The following COMMD10 variants were observed in gnomAD, a reference collection of about 807,000 sequenced individuals.
The protein encoded by COMMD10 is COMM domain containing 10.
In COMMD10, 33 loss-of-function variants were observed where a neutral mutation model predicts 28.9. The ratio of observed to expected loss-of-function variants is 1.14; its 90% CI spans 0.87 to 1.53. The LOEUF is 1.53. COMMD10 is among the 40% of genes most tolerant of loss of function. The probability of loss-of-function intolerance (pLI) is 0.00; values close to 1 mark genes in which losing one functional copy is unlikely to be tolerated. For missense variants in COMMD10, 310 were observed against 233.4 expected, an observed-to-expected ratio of 1.33 and a Z score of -2.14; for synonymous variants, 110 against 81.7, an observed-to-expected ratio of 1.35 and a Z score of -1.87.
At chr5:116,278,396 C>T (rs1262377723) in intron 5 of COMMD10, among the ~76,000 whole-genome samples, 1 of 151,756 alleles carries the variant, frequency 6.6e-6, no homozygotes, top group Non-Finnish European at 1.5e-5. Flanking sequence ...TTAATGAATA[C>T]TATACAAGGT....
At chr5:116,177,205 A>C (rs574069407) in intron 5 of COMMD10, among the ~76,000 whole-genome samples, 1 of 152,106 alleles carries the variant, frequency 6.6e-6, no homozygotes, top group Non-Finnish European at 1.5e-5. Flanking sequence ...TGGAGATGGG[A>C]AACTTGGGAG....
At chr5:116,165,110 T>C (rs1753047276) in intron 5 of COMMD10, among the ~76,000 whole-genome samples, 1 of 152,212 alleles carries the variant, frequency 6.6e-6, no homozygotes, top group African/African-American at 2.4e-5. Context: ...TGTTGAGGCC[T>C]GAAGAGAATC....
intron 4 of COMMD10, among the ~76,000 whole-genome samples, chr5:116,125,884 C>G (rs564835875): frequency 2.6e-5 from 4 of 152,252 alleles, no homozygotes; most frequent in South Asian, 2.1e-4. Flanking sequence ...GGGATGCCCT[C>G]TCTCACCACT....
chr5:116,209,854 T>TA (rs1230671602), intron 5 of COMMD10, among the ~76,000 whole-genome samples: 1 of 152,160 alleles, frequency 6.6e-6, no homozygotes, highest in East Asian at 1.9e-4. Flanking sequence ...ATCTTAATTT[T>TA]AAAAAACATT....
chr5:116,195,167 A>G (rs1748476077), intron 5 of COMMD10, among the ~76,000 whole-genome samples: 1 of 152,198 alleles, frequency 6.6e-6, no homozygotes, highest in East Asian at 1.9e-4. Flanking sequence ...ACGTACCATA[A>G]TGTAATAAAA....
intron 5 of COMMD10, among the ~76,000 whole-genome samples, chr5:116,190,548 C>A (rs1748332421): frequency 6.6e-6 from 1 of 152,138 alleles, no homozygotes; most frequent in Admixed American, 6.5e-5. Context: ...TGCTTTTTTG[C>A]CTATGCCAGT....
rs187375778 is a variant in COMMD10, at chr5:116,279,846, T to C, written c.511-11671T>C. ...GACTTTAACCTTGCATTACCTCTTA[T>C]TATTAAGACAGTGTGACACCCCATC... is the stretch of plus-strand genomic sequence containing the variant. On this transcript the variant is annotated intron_variant, in intron 5 of 6. Coordinates refer to ENST00000274458, the MANE Select transcript of COMMD10 (RefSeq NM_016144.4). Among the ~76,000 whole-genome samples the C allele has an allele frequency of 3.3e-5, 5 of 151,922 alleles. No homozygotes were observed. The East Asian group carries it at 7.7e-4, about 23-fold the overall frequency.
intron 5 of COMMD10, among the ~76,000 whole-genome samples, chr5:116,254,004 C>T (rs1448530444): frequency 1.3e-5 from 2 of 152,146 alleles, no homozygotes; most frequent in African/African-American, 2.4e-5. Context: ...AGAGATTGAA[C>T]TTCTTCCTGG....
At chr5:116,102,524 G>C (rs1750697833) in intron 4 of COMMD10, among the ~76,000 whole-genome samples, 1 of 152,098 alleles carries the variant, frequency 6.6e-6, no homozygotes, top group Non-Finnish European at 1.5e-5. Context: ...GCTTAGGACT[G>C]CTTTGGCCAT....
intron 5 of COMMD10, among the ~76,000 whole-genome samples, chr5:116,229,970 A>G (rs1253027232): frequency 6.6e-6 from 1 of 151,872 alleles, no homozygotes; most frequent in African/African-American, 2.4e-5. Context: ...GCCCCCCCAA[A>G]AAAAAATCAA....
intron 5 of COMMD10, among the ~76,000 whole-genome samples, chr5:116,151,903 G>T (rs925470760): frequency 6.6e-6 from 1 of 151,846 alleles, no homozygotes; most frequent in Non-Finnish European, 1.5e-5. Flanking sequence ...TGCTAGCTTT[G>T]GAATATGTTT....
At position 116,293,092 on chromosome 5, in the gene COMMD10, T is replaced by G. The variant is rs1447213321; in HGVS notation, c.*603T>G. On this transcript the variant is annotated 3_prime_UTR_variant, in exon 7 of 7. Coordinates refer to ENST00000274458, the MANE Select transcript of COMMD10 (RefSeq NM_016144.4). ...TCTCAGTTTAATGATTTAATAATAG[T>G]CCAGGTTTTTGTGTGTTTTTCTTTA... The G allele has an allele frequency of 2.5e-6, 1 of 396,798 alleles. No homozygotes were observed. The highest frequency in any genetic ancestry group is 4.4e-6 in the Non-Finnish European group (1 of 224,924). 24.6% of individuals were successfully genotyped at this position (396,798 alleles called of 1,614,324 possible).
At chr5:116,117,994 T>C (rs1028255970) in intron 4 of COMMD10, among the ~76,000 whole-genome samples, 2 of 152,182 alleles carry the variant, frequency 1.3e-5, no homozygotes, top group Non-Finnish European at 2.9e-5. Context: ...GTTGGAGTTC[T>C]TACAATTGTC....
chr5:116,153,673 C>A (rs1166579271), intron 5 of COMMD10, among the ~76,000 whole-genome samples: 4 of 152,122 alleles, frequency 2.6e-5, no homozygotes, highest in Non-Finnish European at 2.9e-5. Flanking sequence ...AAATAATTTG[C>A]AGCTTAATAA....
At chr5:116,184,728 T>A (rs1383946251) in intron 5 of COMMD10, among the ~76,000 whole-genome samples, 1 of 152,142 alleles carries the variant, frequency 6.6e-6, no homozygotes, top group African/African-American at 2.4e-5. Context: ...GATAATTCTC[T>A]AGGGTTGAAC....
intron 5 of COMMD10, among the ~76,000 whole-genome samples, chr5:116,231,637 T>C (rs1749531729): frequency 6.6e-6 from 1 of 152,170 alleles, no homozygotes; most frequent in Non-Finnish European, 1.5e-5. Context: ...TCTTCTGACT[T>C]TCAGATTCCT....
At chr5:116,213,207 T>C (rs1749012022) in intron 5 of COMMD10, among the ~76,000 whole-genome samples, 1 of 152,148 alleles carries the variant, frequency 6.6e-6, no homozygotes, top group South Asian at 2.1e-4. Flanking sequence ...CTTCTGAATA[T>C]ATTAATGATT....
chr5:116,228,449 C>T (rs902977976), intron 5 of COMMD10, among the ~76,000 whole-genome samples: 11 of 152,000 alleles, frequency 7.2e-5, no homozygotes, highest in Admixed American at 4.6e-4. Flanking sequence ...GAAAGTACCA[C>T]ATTTATCACT....
intron 5 of COMMD10, among the ~76,000 whole-genome samples, chr5:116,257,116 A>T (rs1422560907): frequency 6.6e-6 from 1 of 151,804 alleles, no homozygotes; most frequent in Non-Finnish European, 1.5e-5. Flanking sequence ...TGAGAGATCA[A>T]GAAATGGGTC....
Sources: gnomAD v4.1 joint callset for allele counts (sites outside exome capture counted in the v4.1 genomes callset) on GRCh38, gnomAD v4.1.1 for gene constraint, MANE v1.5 for transcripts, NCBI Gene and HGNC (gene_info 2026-07-23, HGNC 2026-07-21) for gene names.